The following OR9Q1 variants were observed in gnomAD, a reference collection of about 807,000 sequenced individuals.
The protein encoded by OR9Q1 is olfactory receptor 9Q1.
For missense variants in OR9Q1, 374 were observed against 378.8 expected, an observed-to-expected ratio of 0.99 and a Z score of 0.11; for synonymous variants, 153 against 148.6, an observed-to-expected ratio of 1.03 and a Z score of -0.22.
At chr11:58,172,315 A>T (rs796728397) in intron 2 of OR9Q1, among the ~76,000 whole-genome samples, 1 of 152,132 alleles carries the variant, frequency 6.6e-6, no homozygotes, top group Non-Finnish European at 1.5e-5. Context: ...TAAAATCTAG[A>T]CAGAAAGTTT....
intron 2 of OR9Q1, chr11:58,119,125 C>A: frequency 6.2e-7 from 1 of 1,613,950 alleles, no homozygotes; most frequent in Non-Finnish European, 8.5e-7. Context: ...TGTGCCTGCA[C>A]AGATGGTGAA....
intron 2 of OR9Q1, chr11:58,118,767 C>G: frequency 6.2e-7 from 1 of 1,614,092 alleles, no homozygotes; most frequent in Non-Finnish European, 8.5e-7. Flanking sequence ...ACTTCACTTT[C>G]AAAATGGTCT....
At chr11:58,109,836 A>C (rs992151089) in intron 2 of OR9Q1, among the ~76,000 whole-genome samples, 1 of 152,150 alleles carries the variant, frequency 6.6e-6, no homozygotes, top group Non-Finnish European at 1.5e-5. Context: ...GAGAGCTTTT[A>C]TCTCTCTCTG....
intron 2 of OR9Q1, among the ~76,000 whole-genome samples, chr11:58,122,803 A>G (rs1256748915): frequency 1.3e-5 from 2 of 151,848 alleles, no homozygotes; most frequent in African/African-American, 2.4e-5. Context: ...ATATCCTTCT[A>G]TGTTTATTCT....
chr11:58,140,634 C>T (rs1015179987), intron 2 of OR9Q1, among the ~76,000 whole-genome samples: 8 of 152,120 alleles, frequency 5.3e-5, no homozygotes, highest in Non-Finnish European at 1.2e-4. Context: ...CCGTTCTGTT[C>T]CATTGGTCTA....
intron 2 of OR9Q1, among the ~76,000 whole-genome samples, chr11:58,161,217 A>T (rs897711734): frequency 2.0e-5 from 3 of 151,180 alleles, no homozygotes. Flanking sequence ...TGTTGTGCAC[A>T]TGTACCCTAG....
intron 2 of OR9Q1, among the ~76,000 whole-genome samples, chr11:58,065,996 G>A (rs1853425354): frequency 6.6e-6 from 1 of 152,118 alleles, no homozygotes; most frequent in Admixed American, 6.5e-5. Flanking sequence ...CACGGAGAGG[G>A]GCGCTGTCCT....
In OR9Q1 at chr11:58,151,715, T is replaced by C. The variant is rs140485536; in HGVS notation, c.-14-27716T>C. Reference sequence around the variant, plus strand: ...AACCAGTCCTTACTGAGAAAAGACATTTCTAGATGATATAGCCAGTGAATT... The same window carrying C: ...AACCAGTCCTTACTGAGAAAAGACACTTCTAGATGATATAGCCAGTGAATT... On this transcript the variant is annotated intron_variant, in intron 2 of 2. Transcript: ENST00000335397. Among the ~76,000 whole-genome samples, 44 of 152,282 alleles carry C rather than the reference T, an allele frequency of 2.9e-4. No homozygotes were observed. The East Asian group carries it at 8.3e-3, about 29-fold the overall frequency.
chr11:58,069,793 C>T (rs1382639244), intron 2 of OR9Q1, among the ~76,000 whole-genome samples: 2 of 151,628 alleles, frequency 1.3e-5, no homozygotes, highest in Non-Finnish European at 2.9e-5. Flanking sequence ...TCGCTTGAGC[C>T]CAGGAGGTTG....
At position 58,089,547 on chromosome 11, in the gene OR9Q1, T is replaced by C. The variant is rs1179228737; in HGVS notation, c.-15+33600T>C. 3.3e-5 allele frequency among the ~76,000 whole-genome samples: 5 copies of C among 152,078 alleles called. No individual in the cohort carries two copies. In the East Asian group the frequency reaches 9.6e-4, roughly 29 times the overall value. ...TGGTACCAGTACCATGCTTTTTGAT[T>C]ACTGTAGCCTTGTAGTATAGTTTGA... is the stretch of plus-strand genomic sequence containing the variant. On this transcript the variant is annotated intron_variant, in intron 2 of 2. Coordinates refer to ENST00000335397, the MANE Select transcript of OR9Q1 (RefSeq NM_001005212.4).
chr11:58,178,335 C>T (rs751557240), intron 2 of OR9Q1, among the ~76,000 whole-genome samples: 8 of 152,068 alleles, frequency 5.3e-5, no homozygotes, highest in East Asian at 1.9e-4. Context: ...TATATGGATG[C>T]GTTAAATTAT....
intron 1 of OR9Q1, among the ~76,000 whole-genome samples, chr11:58,042,160 C>T (rs949577639): frequency 1.3e-5 from 2 of 151,990 alleles, no homozygotes; most frequent in Admixed American, 1.3e-4. Flanking sequence ...TTTTGTATTC[C>T]ATAGTGATTT....
At chr11:58,116,237 T>G (rs1374383848) in intron 2 of OR9Q1, among the ~76,000 whole-genome samples, 1 of 152,190 alleles carries the variant, frequency 6.6e-6, no homozygotes, top group Non-Finnish European at 1.5e-5. Context: ...GCCATCACAT[T>G]CATTCCCCAG....
chr11:58,134,054 C>G (rs1001539282), intron 2 of OR9Q1, among the ~76,000 whole-genome samples: 7 of 152,170 alleles, frequency 4.6e-5, no homozygotes, highest in Admixed American at 3.9e-4. Flanking sequence ...TAATTGAGAT[C>G]TCTCATTTAG....
chr11:58,068,336 ACT>A (rs1339721050), intron 2 of OR9Q1, among the ~76,000 whole-genome samples: 8 of 148,642 alleles, frequency 5.4e-5, no homozygotes, highest in African/African-American at 2.0e-4. Context: ...ACAGAGTGAG[ACT>A]CTGTCTCAAA....
intron 2 of OR9Q1, among the ~76,000 whole-genome samples, chr11:58,141,059 G>A (rs1590611940): frequency 2.0e-5 from 3 of 152,212 alleles, no homozygotes; most frequent in Admixed American, 2.0e-4. Flanking sequence ...ATTGTGAATG[G>A]GAGTTCACTC....
intron 2 of OR9Q1, among the ~76,000 whole-genome samples, chr11:58,058,035 G>C (rs1853344199): frequency 6.6e-6 from 1 of 152,178 alleles, no homozygotes; most frequent in Admixed American, 6.5e-5. Flanking sequence ...TAAATTTGAT[G>C]CTCCTTTCAT....
chr11:58,175,752 A>G (rs1854600962), intron 2 of OR9Q1, among the ~76,000 whole-genome samples: 1 of 149,636 alleles, frequency 6.7e-6, no homozygotes. Context: ...ACATGGTTCC[A>G]TTTTCTCTTG....
At chr11:58,100,657 G>C (rs974344941) in intron 2 of OR9Q1, among the ~76,000 whole-genome samples, 5 of 150,896 alleles carry the variant, frequency 3.3e-5, no homozygotes, top group African/African-American at 1.2e-4. Context: ...ATTTCTTATA[G>C]TTTGTGTCTA....
Sources: allele counts gnomAD v4.1 joint callset (sites outside exome capture counted in the v4.1 genomes callset), GRCh38; gene constraint gnomAD v4.1.1; transcripts MANE v1.5; gene names NCBI Gene and HGNC (gene_info 2026-07-23, HGNC 2026-07-21).